The following TMTC2 variants were observed in gnomAD, a reference collection of about 807,000 sequenced individuals.
TMTC2 encodes the protein protein O-mannosyl-transferase TMTC2.
Under a neutral mutation model 82.4 loss-of-function variants are expected in TMTC2, and 43 were observed. The observed-to-expected ratio is 0.52, with a 90% CI of 0.41 to 0.67. TMTC2 has a LOEUF of 0.67. Among genes scored for constraint, TMTC2 ranks in the 30% least tolerant of loss-of-function variants. The probability of loss-of-function intolerance (pLI) is 0.00; values close to 1 mark genes in which losing one functional copy is unlikely to be tolerated. For synonymous variants in TMTC2, 408 were observed against 381.9 expected (o/e 1.07, Z -0.80); for missense variants, 919 against 1,012.4 (o/e 0.91, Z 1.25).
chr12:82,827,433 G>A (rs1179765139), intron 1 of TMTC2, among the ~76,000 whole-genome samples: 7 of 152,078 alleles, frequency 4.6e-5, no homozygotes, highest in African/African-American at 7.2e-5. Flanking sequence ...CATTCTTGCC[G>A]GCATTCAAGA....
intron 1 of TMTC2, among the ~76,000 whole-genome samples, chr12:82,763,430 C>G (rs1336142230): frequency 2.0e-5 from 3 of 152,188 alleles, no homozygotes; most frequent in African/African-American, 7.2e-5. Context: ...GGACTGTCCA[C>G]TTAAAACCAA....
At chr12:83,048,989 C>G (rs879759100) in intron 9 of TMTC2, among the ~76,000 whole-genome samples, 7 of 152,258 alleles carry the variant, frequency 4.6e-5, no homozygotes, top group African/African-American at 1.7e-4. Context: ...TATTTTAAAT[C>G]CTTAAAATAG....
intron 1 of TMTC2, among the ~76,000 whole-genome samples, chr12:82,739,901 A>G (rs772277759): frequency 2.6e-5 from 4 of 151,734 alleles, no homozygotes; most frequent in African/African-American, 7.3e-5. Context: ...TTACTACTCC[A>G]TAAGTCCTAG....
At chr12:82,965,992 A>G (rs1052691796) in intron 6 of TMTC2, 32 of 534,266 alleles carry the variant, frequency 6.0e-5, no homozygotes, top group African/African-American at 2.6e-4. Context: ...TCTCAGAGCA[A>G]TTATGGTATG....
chr12:82,705,083 C>T (rs1873283702), intron 1 of TMTC2, among the ~76,000 whole-genome samples: 1 of 152,098 alleles, frequency 6.6e-6, no homozygotes, highest in Non-Finnish European at 1.5e-5. Context: ...TGAAGTAACT[C>T]GGGAATGGAA....
At chr12:82,935,352 C>T (rs891221594) in intron 4 of TMTC2, among the ~76,000 whole-genome samples, 1 of 152,022 alleles carries the variant, frequency 6.6e-6, no homozygotes, top group Non-Finnish European at 1.5e-5. Flanking sequence ...TTGTATTTAG[C>T]CTTTTATTCA....
intron 1 of TMTC2, among the ~76,000 whole-genome samples, chr12:82,693,432 C>T (rs554595942): frequency 1.8e-4 from 28 of 152,224 alleles, no homozygotes; most frequent in African/African-American, 6.7e-4. Context: ...TGTCTCTTTC[C>T]TACTTGTTCA....
intron 2 of TMTC2, among the ~76,000 whole-genome samples, chr12:82,862,520 T>G (rs1871602560): frequency 6.6e-6 from 1 of 152,228 alleles, no homozygotes; most frequent in African/African-American, 2.4e-5. Flanking sequence ...AAAATTTCTC[T>G]AAAGATGATT....
intron 8 of TMTC2, among the ~76,000 whole-genome samples, chr12:83,018,680 TATG>T (rs1215516965): frequency 6.7e-6 from 1 of 148,200 alleles, no homozygotes; most frequent in African/African-American, 2.5e-5. Flanking sequence ...TTTTTTCCCT[TATG>T]AGGAGGAGGT....
chr12:83,077,576 T>C, intron 11 of TMTC2, among the ~76,000 whole-genome samples: 1 of 151,750 alleles, frequency 6.6e-6, no homozygotes, highest in African/African-American at 2.4e-5. Context: ...TGTGTCTTTT[T>C]TTTTATTTTA....
intron 1 of TMTC2, among the ~76,000 whole-genome samples, chr12:82,776,029 C>A (rs1300722616): frequency 2.0e-5 from 3 of 151,868 alleles, no homozygotes; most frequent in African/African-American, 4.8e-5. Context: ...CCCGTAAAAC[C>A]CAATTTCTGG....
chr12:82,802,496 A>G (rs1050735175), intron 1 of TMTC2, among the ~76,000 whole-genome samples: 1 of 152,200 alleles, frequency 6.6e-6, no homozygotes, highest in African/African-American at 2.4e-5. Flanking sequence ...GGCTGCCAGC[A>G]CGCTGTCACC....
At chr12:82,751,901 A>C (rs1393889922) in intron 1 of TMTC2, among the ~76,000 whole-genome samples, 1 of 152,166 alleles carries the variant, frequency 6.6e-6, no homozygotes, top group Admixed American at 6.5e-5. Context: ...ACAAAATGCC[A>C]AAGTATTTAT....
chr12:82,801,923 A>T (rs1879025914), intron 1 of TMTC2, among the ~76,000 whole-genome samples: 2 of 152,092 alleles, frequency 1.3e-5, no homozygotes, highest in Non-Finnish European at 1.5e-5. Flanking sequence ...CCTTAGCTAG[A>T]CATAAAGATT....
rs1482607892 is a variant in TMTC2, at chr12:82,937,794, A to G, written c.1598+7249A>G. ...TATATATATATATATATATATATAT[A>G]TACACACATATATATATAAAATGAT... On this transcript the variant is annotated intron_variant, in intron 4 of 11. Coordinates refer to ENST00000321196, the MANE Select transcript of TMTC2 (RefSeq NM_152588.3). Among the ~76,000 whole-genome samples, 3 of 22,464 alleles carry G rather than the reference A, an allele frequency of 1.3e-4. No individual in the cohort carries two copies. The East Asian group carries it at 6.6e-3, about 50-fold the overall frequency. The allele number at this position is 22,464 out of a possible 152,430, so 14.7% of individuals were successfully genotyped here.
At chr12:83,102,200 T>A (rs182445461) in intron 11 of TMTC2, among the ~76,000 whole-genome samples, 1 of 152,310 alleles carries the variant, frequency 6.6e-6, no homozygotes, top group Admixed American at 6.5e-5. Flanking sequence ...AGTTGACACA[T>A]GTGTCCTTTA....
chr12:82,802,000 A>G (rs1212403232), intron 1 of TMTC2, among the ~76,000 whole-genome samples: 2 of 151,824 alleles, frequency 1.3e-5, no homozygotes, highest in African/African-American at 4.8e-5. Flanking sequence ...ACGGGGGCAC[A>G]GGTGGAGCTG....
rs574723354 is a variant in TMTC2 at position 82,694,106 on chromosome 12, G to A, written c.83+6437G>A. Among the ~76,000 whole-genome samples, 127 of 151,562 alleles carry A rather than the reference G, an allele frequency of 8.4e-4. 1 individual carries two copies. The highest frequency in any genetic ancestry group is 3.0e-3 in the African/African-American group (123 of 41,298). ...GGGAAACAATTAAGTAAACCTATCT[G>A]TGTAAACCTGAGAATTTTGAAAAAG... is the stretch of plus-strand genomic sequence containing the variant. On this transcript the variant is annotated intron_variant, in intron 1 of 11. Transcript: ENST00000321196.
intron 8 of TMTC2, among the ~76,000 whole-genome samples, chr12:83,029,932 G>T (rs1476925799): frequency 5.3e-5 from 8 of 152,182 alleles, no homozygotes. Context: ...CTACAACAAA[G>T]AAAGTGACCT....
Sources: allele counts gnomAD v4.1 joint callset (sites outside exome capture counted in the v4.1 genomes callset), GRCh38; gene constraint gnomAD v4.1.1; transcripts MANE v1.5; gene names NCBI Gene and HGNC (gene_info 2026-07-23, HGNC 2026-07-21).